Variants in VTI1A observed in about 807,000 individuals in gnomAD.
The protein encoded by VTI1A is vesicle transport through interaction with t-SNAREs homolog 1A.
In VTI1A, 22 loss-of-function variants were observed where a neutral mutation model predicts 34.9. That is an observed-to-expected ratio of 0.63 (90% CI 0.45 to 0.90). VTI1A has a LOEUF of 0.90. VTI1A is among the 40% of genes least tolerant of loss of function. The pLI, the probability that VTI1A is intolerant of heterozygous loss-of-function variation, is 0.00. For synonymous variants in VTI1A, 87 were observed against 97.3 expected (o/e 0.89, Z 0.62); for missense variants, 268 against 275.6 (o/e 0.97, Z 0.20).
intron 5 of VTI1A, among the ~76,000 whole-genome samples, chr10:112,667,745 A>G (rs1847696632): frequency 6.6e-6 from 1 of 151,088 alleles, no homozygotes; most frequent in South Asian, 2.1e-4. Flanking sequence ...ACAGTAGGTG[A>G]GCATATGAGG....
intron 7 of VTI1A, among the ~76,000 whole-genome samples, chr10:112,778,479 A>G (rs1401762056): frequency 6.6e-6 from 1 of 151,388 alleles, no homozygotes; most frequent in Non-Finnish European, 1.5e-5. Flanking sequence ...ACTGAGTGCA[A>G]ATCTTTCATA....
At chr10:112,462,896 T>TTTA (rs1554882331) in intron 2 of VTI1A, among the ~76,000 whole-genome samples, 215 of 144,836 alleles carry the variant, frequency 1.5e-3, no homozygotes, top group South Asian at 5.5e-3. Context: ...TGTTACTGGT[T>TTTA]TTTATTTATT....
chr10:112,547,514 G>A (rs1851176514), intron 5 of VTI1A, among the ~76,000 whole-genome samples: 1 of 152,048 alleles, frequency 6.6e-6, no homozygotes, highest in South Asian at 2.1e-4. Flanking sequence ...GGAGGCAGAG[G>A]TTGCAGTGAG....
intron 7 of VTI1A, among the ~76,000 whole-genome samples, chr10:112,733,405 G>T (rs894340071): frequency 6.6e-6 from 1 of 151,876 alleles, no homozygotes; most frequent in Admixed American, 6.6e-5. Flanking sequence ...CCCAGCCCCC[G>T]TCTCCGTGGA....
At chr10:112,759,374 A>G (rs1851381902) in intron 7 of VTI1A, among the ~76,000 whole-genome samples, 1 of 152,094 alleles carries the variant, frequency 6.6e-6, no homozygotes, top group African/African-American at 2.4e-5. Context: ...ATTCCACTCA[A>G]ATTGTGTGGG....
chr10:112,514,637 A>G (rs1446515851), intron 3 of VTI1A, among the ~76,000 whole-genome samples: 2 of 151,900 alleles, frequency 1.3e-5, no homozygotes, highest in Non-Finnish European at 2.9e-5. Context: ...ATTCATTGCT[A>G]TAAACTCCCC....
At chr10:112,689,360 G>A (rs1848535447) in intron 7 of VTI1A, among the ~76,000 whole-genome samples, 1 of 152,210 alleles carries the variant, frequency 6.6e-6, no homozygotes, top group Admixed American at 6.5e-5. Context: ...TTAACCAAGT[G>A]TAATGTGTCT....
At chr10:112,527,443 G>A (rs554693476) in intron 4 of VTI1A, 12 of 227,648 alleles carry the variant, frequency 5.3e-5, no homozygotes, top group East Asian at 9.1e-5. Context: ...GAAACACACC[G>A]TTTGCAGACA....
At chr10:112,569,065 G>T (rs979703021) in intron 5 of VTI1A, among the ~76,000 whole-genome samples, 7 of 151,860 alleles carry the variant, frequency 4.6e-5, no homozygotes, top group Admixed American at 1.3e-4. Flanking sequence ...TGAGCCAGGA[G>T]AATCATTTGA....
chr10:112,540,675 G>A (rs780761062), intron 5 of VTI1A, among the ~76,000 whole-genome samples: 7 of 152,254 alleles, frequency 4.6e-5, no homozygotes, highest in South Asian at 4.1e-4. Context: ...ATATTGCTTC[G>A]TATTTCCTGC....
At chr10:112,486,111 T>C (rs1224829429) in intron 3 of VTI1A, among the ~76,000 whole-genome samples, 1 of 152,206 alleles carries the variant, frequency 6.6e-6, no homozygotes, top group African/African-American at 2.4e-5. Flanking sequence ...CTTATAACAC[T>C]TTACCACGCG....
intron 5 of VTI1A, chr10:112,548,818 C>T (rs906472153): frequency 6.7e-7 from 1 of 1,496,452 alleles, no homozygotes; most frequent in Non-Finnish European, 9.0e-7. Flanking sequence ...GGCAGCATCA[C>T]CAGACTTTAA....
chr10:112,847,222 A>T, the VTI1A span, among the ~76,000 whole-genome samples: 60 of 152,212 alleles, frequency 3.9e-4, no homozygotes, highest in African/African-American at 1.4e-3. Context: ...CTCCCTCAGT[A>T]AGTTTTTGAC....
Position 112,620,529 on chromosome 10 carries a change from G to T in VTI1A, c.428-47689G>T, listed in dbSNP as rs999453473. ...GAACTGGCTGGGCGCGGTGGCTCAC[G>T]TCTGTAATCCCAAAACTTTGGGAGG... On this transcript the variant is annotated intron_variant, in intron 5 of 7. Coordinates refer to ENST00000393077, the MANE Select transcript of VTI1A (RefSeq NM_145206.4). 9.0e-4 allele frequency among the ~76,000 whole-genome samples: 137 copies of T among 152,130 alleles called. 1 individual carries two copies. Among genetic ancestry groups the T allele is most frequent in the Non-Finnish European group, 1.9e-4 (13 of 67,996 alleles).
chr10:112,743,792 G>A (rs1407463887), intron 7 of VTI1A, among the ~76,000 whole-genome samples: 1 of 152,062 alleles, frequency 6.6e-6, no homozygotes, highest in Non-Finnish European at 1.5e-5. Flanking sequence ...AATTATTTCG[G>A]TTATATACAT....
intron 3 of VTI1A, among the ~76,000 whole-genome samples, chr10:112,507,447 G>A (rs568493811): frequency 2.0e-5 from 3 of 152,240 alleles, no homozygotes; most frequent in Admixed American, 1.3e-4. Flanking sequence ...TTCTGAATGC[G>A]TCAGAATATT....
At chr10:112,643,561 T>C (rs1452970747) in intron 5 of VTI1A, among the ~76,000 whole-genome samples, 1 of 152,110 alleles carries the variant, frequency 6.6e-6, no homozygotes, top group Non-Finnish European at 1.5e-5. Context: ...CTTATGAGTC[T>C]GTTAGGTTAA....
chr10:112,686,595 T>C (rs1848424534), intron 7 of VTI1A, among the ~76,000 whole-genome samples: 1 of 152,196 alleles, frequency 6.6e-6, no homozygotes, highest in African/African-American at 2.4e-5. Flanking sequence ...CTAGTTTCTT[T>C]AGATGAATCT....
At chr10:112,571,073 A>G (rs185627899) in intron 5 of VTI1A, among the ~76,000 whole-genome samples, 2 of 152,318 alleles carry the variant, frequency 1.3e-5, no homozygotes, top group Admixed American at 6.5e-5. Flanking sequence ...TTTATCTTCA[A>G]AACATTCCAT....
Sources: allele counts gnomAD v4.1 joint callset (sites outside exome capture counted in the v4.1 genomes callset), GRCh38; gene constraint gnomAD v4.1.1; transcripts MANE v1.5; gene names NCBI Gene and HGNC (gene_info 2026-07-23, HGNC 2026-07-21).